Variants in NCOA2 observed in about 807,000 individuals in gnomAD.
The protein encoded by NCOA2 is class E basic helix-loop-helix protein 75.
NCOA2 carries 21 observed loss-of-function variants against 145.1 expected under a neutral mutation model. That is an observed-to-expected ratio of 0.14 (90% CI 0.10 to 0.21). The LOEUF (loss-of-function observed/expected upper bound fraction) is 0.21, where lower values mean the gene tolerates loss of function less well. NCOA2 is among the 10% of genes least tolerant of loss of function. The pLI, the probability that NCOA2 is intolerant of heterozygous loss-of-function variation, is 1.00. For synonymous variants in NCOA2, 619 were observed against 637.5 expected (o/e 0.97, Z 0.44); for missense variants, 1,472 against 1,837.6 (o/e 0.80, Z 3.64).
At chr8:70,261,128 T>C (rs1824084116) in intron 2 of NCOA2, among the ~76,000 whole-genome samples, 1 of 152,230 alleles carries the variant, frequency 6.6e-6, no homozygotes, top group South Asian at 2.1e-4. Flanking sequence ...TTATAAATCA[T>C]GCTGCTATAA....
chr8:70,429,639 A>C, the NCOA2 span, among the ~76,000 whole-genome samples: 1 of 152,216 alleles, frequency 6.6e-6, no homozygotes, highest in Non-Finnish European at 1.5e-5. Context: ...GCAAAGAATA[A>C]GGGGAAATAT....
intron 4 of NCOA2, among the ~76,000 whole-genome samples, chr8:70,196,406 C>T (rs189480762): frequency 6.6e-6 from 1 of 152,112 alleles, no homozygotes; most frequent in Admixed American, 6.6e-5. Context: ...AAAAAATAAC[C>T]TTTCCTTTTT....
At chr8:70,272,440 T>C (rs1018550230) in intron 2 of NCOA2, among the ~76,000 whole-genome samples, 8 of 152,234 alleles carry the variant, frequency 5.3e-5, no homozygotes, top group African/African-American at 1.7e-4. Context: ...TTCTTCTGTG[T>C]CATGTTTCTG....
At chr8:70,162,888 T>A in intron 8 of NCOA2, 34 bp from the exon 9 acceptor site, 1 of 1,549,198 alleles carries the variant, frequency 6.5e-7, no homozygotes, top group Non-Finnish European at 8.7e-7. Context: ...TACCTACATG[T>A]TGATCTATTC....
At chr8:70,381,717 C>T (rs900878131) in intron 1 of NCOA2, among the ~76,000 whole-genome samples, 2 of 152,138 alleles carry the variant, frequency 1.3e-5, no homozygotes, top group Non-Finnish European at 2.9e-5. Flanking sequence ...GCAGAGGGAA[C>T]AAAGCTAATA....
intron 2 of NCOA2, 83 bp from the exon 3 acceptor site, chr8:70,216,847 G>T (rs1287918433): frequency 1.3e-5 from 11 of 849,270 alleles, no homozygotes; most frequent in Admixed American, 4.0e-5. Context: ...AACAATAAAA[G>T]AATTTTGACT....
In NCOA2 at chr8:70,216,672, T is replaced by C. The variant is rs962774247; in HGVS notation, c.74A>G (p.Gln25Arg). 4 of 1,612,714 alleles carry C rather than the reference T, an allele frequency of 2.5e-6. No homozygotes were observed. Among genetic ancestry groups the C allele is most frequent in the Non-Finnish European group, 3.4e-6 (4 of 1,178,694 alleles). Residue 25 changes from glutamine to arginine, a missense_variant, in exon 3 of 23, where the codon CAA (glutamine) becomes CGA (arginine). By Grantham distance (43) the Gln-to-Arg change is conservative (BLOSUM62 1). Coordinates refer to ENST00000452400, the MANE Select transcript of NCOA2 (RefSeq NM_006540.4). ...GCAAGAATCTAACCTGGGTCCAAGT[T>C]GGTCAGGACATTCCTTGCGCTTTCT... ...ETRKRKECPD[Q>R]LGPSPKRNTE... is the part of the protein sequence containing the mutation.
In NCOA2 at chr8:70,128,999, A is replaced by T; in HGVS notation, c.3325-19T>A. The T allele has an allele frequency of 6.4e-7, 1 of 1,570,470 alleles. No individual in the cohort carries two copies. Among genetic ancestry groups the T allele is most frequent in the Non-Finnish European group, 8.6e-7 (1 of 1,156,096 alleles). ...CTTGGCTCTGGAGAGAAAGTCCCAA[A>T]TAACAAACAAATAATTAAACCATAA... On this transcript the variant is annotated intron_variant, in intron 16 of 22. Transcript: ENST00000452400.
rs538564507 is a variant in NCOA2 at position 70,206,822 on chromosome 8, T to C, written c.259+7081A>G. Reference sequence around the variant, plus strand: ...TGAGCACTCAGGCTCCTCTATTTCCTGTGTGGAGTGCCTCTCCTCACGCCC... The same window carrying C: ...TGAGCACTCAGGCTCCTCTATTTCCCGTGTGGAGTGCCTCTCCTCACGCCC... On this transcript the variant is annotated intron_variant, in intron 4 of 22. Coordinates refer to ENST00000452400, the MANE Select transcript of NCOA2 (RefSeq NM_006540.4). Among the ~76,000 whole-genome samples, 20 of 152,358 alleles carry C rather than the reference T, an allele frequency of 1.3e-4. No individual in the cohort carries two copies. In the East Asian group the frequency reaches 3.9e-3, roughly 29 times the overall value.
At chr8:70,370,894 C>G (rs1811154254) in intron 1 of NCOA2, among the ~76,000 whole-genome samples, 1 of 152,142 alleles carries the variant, frequency 6.6e-6, no homozygotes, top group Non-Finnish European at 1.5e-5. Context: ...GAATTCTAGA[C>G]TAGTGATATT....
intron 1 of NCOA2, among the ~76,000 whole-genome samples, chr8:70,377,029 T>C (rs1409229410): frequency 1.3e-5 from 2 of 150,608 alleles, no homozygotes; most frequent in Non-Finnish European, 2.9e-5. Context: ...ATGACGATGA[T>C]GGCTTTTTCT....
At position 70,364,840 on chromosome 8, in the gene NCOA2, T is replaced by C. The variant is rs1810540900; in HGVS notation, c.-77+38860A>G. Among the ~76,000 whole-genome samples, 4 of 151,936 alleles carry C rather than the reference T, an allele frequency of 2.6e-5. No homozygotes were observed. In the South Asian group the frequency reaches 8.3e-4, roughly 32 times the overall value. The stretch of plus-strand genomic sequence containing the variant: ...AAGTAAAAAGGTTTGTTTTTTTTTT[T>C]TTTTCCCCCAGTCTGTGCACATCAG... On this transcript the variant is annotated intron_variant, in intron 1 of 22. Coordinates refer to ENST00000452400, the MANE Select transcript of NCOA2 (RefSeq NM_006540.4).
At chr8:70,327,805 C>CAA (rs922739257) in intron 1 of NCOA2, among the ~76,000 whole-genome samples, 29 of 152,288 alleles carry the variant, frequency 1.9e-4, no homozygotes, top group African/African-American at 6.7e-4. Context: ...GAGAGACAGA[C>CAA]AGACAGACAG....
At position 70,262,195 on chromosome 8, in the gene NCOA2, C is replaced by T. The variant is rs1337624001; in HGVS notation, c.-20+34549G>A. 2.0e-5 allele frequency among the ~76,000 whole-genome samples: 3 copies of T among 152,108 alleles called. No homozygotes were observed. In the East Asian group the frequency reaches 5.8e-4, roughly 29 times the overall value. On this transcript the variant is annotated intron_variant, in intron 2 of 22. Transcript: ENST00000452400. Reference sequence around the variant, plus strand: ...AATGGTAAACACTTTATATATATCTCCTTTAACAACATCCCTATGAAGCAG... The same window carrying T: ...AATGGTAAACACTTTATATATATCTTCTTTAACAACATCCCTATGAAGCAG...
intron 4 of NCOA2, among the ~76,000 whole-genome samples, chr8:70,208,553 C>T (rs1351855250): frequency 6.6e-6 from 1 of 152,138 alleles, no homozygotes; most frequent in Non-Finnish European, 1.5e-5. Context: ...GGAGAGAAGT[C>T]AACGCCTCAT....
intron 4 of NCOA2, among the ~76,000 whole-genome samples, chr8:70,182,602 A>T (rs1329743211): frequency 6.6e-6 from 1 of 152,188 alleles, no homozygotes; most frequent in Non-Finnish European, 1.5e-5. Context: ...TGTTCATGGG[A>T]ATTCACTATC....
At chr8:70,131,684 G>T (rs1410415761) in intron 16 of NCOA2, among the ~76,000 whole-genome samples, 153 bp downstream of exon 16, 1 of 152,174 alleles carries the variant, frequency 6.6e-6, no homozygotes, top group Non-Finnish European at 1.5e-5. Flanking sequence ...ACAAGGAAAG[G>T]GGAGGAAGAA....
At chr8:70,412,235 CT>C in the NCOA2 span, among the ~76,000 whole-genome samples, 1 of 152,020 alleles carries the variant, frequency 6.6e-6, no homozygotes, top group Non-Finnish European at 1.5e-5. Context: ...GATCACACCA[CT>C]GTACTCCAGC....
At chr8:70,183,035 C>G (rs1815663653) in intron 4 of NCOA2, among the ~76,000 whole-genome samples, 1 of 152,128 alleles carries the variant, frequency 6.6e-6, no homozygotes, top group Non-Finnish European at 1.5e-5. Context: ...GTATCTTCCA[C>G]AGCAATGGAG....
Sources: gnomAD v4.1 joint callset for allele counts (sites outside exome capture counted in the v4.1 genomes callset) on GRCh38, gnomAD v4.1.1 for gene constraint, MANE v1.5 for transcripts, NCBI Gene and HGNC (gene_info 2026-07-23, HGNC 2026-07-21) for gene names.